Variants in VWA3A observed in about 807,000 individuals in gnomAD.
The protein encoded by VWA3A is von Willebrand factor A domain-containing protein 3A.
A neutral mutation model predicts 160.4 loss-of-function variants in VWA3A; 134 were observed. That is an observed-to-expected ratio of 0.84 (90% CI 0.73 to 0.96). The LOEUF is 0.96. Ranked by LOEUF, VWA3A falls within the 40% of genes least tolerant of loss-of-function variation. The pLI is 0.00. For synonymous variants in VWA3A, 476 were observed against 543.4 expected, an observed-to-expected ratio of 0.88 and a Z score of 1.72; for missense variants, 1,310 against 1,447.9, an observed-to-expected ratio of 0.90 and a Z score of 1.55.
chr16:22,133,577 G>A (rs2045986291), intron 20 of VWA3A, among the ~76,000 whole-genome samples: 1 of 146,362 alleles, frequency 6.8e-6, no homozygotes, highest in African/African-American at 2.6e-5. Context: ...TTGAACCCAG[G>A]AAGCGGAGGT....
Position 22,138,482 on chromosome 16 carries a change from C to T in VWA3A, c.2262C>T (p.Pro754=), listed in dbSNP as rs772059692. ...GTCAGCCCAAGAAGCTCTGCCCTCC[C>T]AGGCCCACCGTCCCCCTGGGGGCCA... ...LRSQPKKLCP[P]RPTVPLGARM... is the part of the protein sequence containing the mutation. The change falls in exon 22 of 34, where the codon CCC becomes CCT. Residue 754 remains proline (P), a synonymous_variant. Coordinates refer to ENST00000389398, the MANE Select transcript of VWA3A (RefSeq NM_173615.5). 11 of 1,613,998 alleles carry T rather than the reference C, an allele frequency of 6.8e-6. No individual in the cohort carries two copies. The highest frequency in any genetic ancestry group is 9.3e-6 in the Non-Finnish European group (11 of 1,179,888).
At chr16:22,141,482 G>T in intron 23 of VWA3A, 100 bp from the exon 24 acceptor site, 1 of 1,094,942 alleles carries the variant, frequency 9.1e-7, no homozygotes, top group Admixed American at 2.1e-5. Context: ...ATTTCCTGGG[G>T]TGGAGTATAG....
At chr16:22,128,213 G>A (rs917103823) in intron 17 of VWA3A, among the ~76,000 whole-genome samples, 4 of 152,296 alleles carry the variant, frequency 2.6e-5, no homozygotes, top group African/African-American at 7.2e-5. Flanking sequence ...AAAGGCACTG[G>A]AGGATTGCAA....
At chr16:22,143,077 G>A (rs1722565180) in intron 25 of VWA3A, among the ~76,000 whole-genome samples, 1 of 151,550 alleles carries the variant, frequency 6.6e-6, no homozygotes, top group Non-Finnish European at 1.5e-5. Flanking sequence ...TTGAAACTGG[G>A]AGGTGGAGGT....
intron 3 of VWA3A, among the ~76,000 whole-genome samples, chr16:22,098,358 C>G (rs1274851571): frequency 6.6e-6 from 1 of 152,172 alleles, no homozygotes; most frequent in East Asian, 1.9e-4. Flanking sequence ...TAGGTTCTGG[C>G]ACTTACAGGA....
At chr16:22,144,557 C>T (rs2046214523) in intron 26 of VWA3A, among the ~76,000 whole-genome samples, 173 bp downstream of exon 26, 1 of 152,070 alleles carries the variant, frequency 6.6e-6, no homozygotes, top group African/African-American at 2.4e-5. Context: ...GGAAGAAAAG[C>T]CAACTTCCCA....
rs1168855413 is a variant in VWA3A at position 22,100,299 on chromosome 16, A to C, written c.331A>C (p.Ser111Arg). 3 of 1,551,642 alleles carry C rather than the reference A, an allele frequency of 1.9e-6. No individual in the cohort carries two copies. The highest frequency in any genetic ancestry group is 2.6e-6 in the Non-Finnish European group (3 of 1,147,002). ...GAAACTCACCTTGGCTGACCTGATA[A>C]GCCAGGGCACAGAAGTGCTGTAAGT... Reference protein sequence around the residue: ...CQKLTLADLISQGTEVLEEGT... With the variant: ...CQKLTLADLIRQGTEVLEEGT... The change falls in exon 4 of 34, where the codon AGC becomes CGC. Residue 111 changes from serine (S) to arginine (R), a missense_variant. By Grantham distance (110) the Ser-to-Arg change is moderately radical. Coordinates refer to ENST00000389398, the MANE Select transcript of VWA3A (RefSeq NM_173615.5).
chr16:22,113,363 C>CCT (rs2045580863), intron 8 of VWA3A, among the ~76,000 whole-genome samples: 1 of 46,252 alleles, frequency 2.2e-5, no homozygotes, highest in Non-Finnish European at 4.6e-5. Flanking sequence ...GGCTAATTTT[C>CCT]TTTTTTTTTT....
At chr16:22,140,762 C>T (rs2046132471) in intron 23 of VWA3A, among the ~76,000 whole-genome samples, 1 of 151,978 alleles carries the variant, frequency 6.6e-6, no homozygotes, top group Admixed American at 6.6e-5. Flanking sequence ...AGGTGTGTGC[C>T]ACCACGCCTG....
At position 22,103,303 on chromosome 16, in the gene VWA3A, C is replaced by T. The variant is rs966145259; in HGVS notation, c.429-172C>T. 5.3e-5 allele frequency among the ~76,000 whole-genome samples: 8 copies of T among 152,106 alleles called. No individual in the cohort carries two copies. The East Asian group carries it at 1.5e-3, about 29-fold the overall frequency. On this transcript the variant is annotated intron_variant, in intron 5 of 33. Coordinates refer to ENST00000389398, the MANE Select transcript of VWA3A (RefSeq NM_173615.5). ...CCCACGTCAGGCTCCTGAGTAGCCA[C>T]GACTACAGGCGTGCACTACAGTGCA...
In VWA3A at chr16:22,121,008, T is replaced by A. The variant is rs373623810; in HGVS notation, c.1157T>A (p.Leu386Ter). The change falls in exon 13 of 34, where the codon TTG (leucine) becomes TAG (stop). Residue 386 changes from leucine (L) to a stop codon, truncating the protein, a stop_gained. Coordinates refer to ENST00000389398, the MANE Select transcript of VWA3A (RefSeq NM_173615.5). LOFTEE classifies it high-confidence loss of function. The part of the protein sequence containing the change: ...EITNGPLISL[L>*]PKPPKHDAPL... ...ACAAATGGGCCACTCATAAGCCTCT[T>A]GCCTAAACCCCCAAAGCATGACGCT... 1 of 1,613,910 alleles carries A rather than the reference T, an allele frequency of 6.2e-7. No homozygotes were observed. Among genetic ancestry groups the A allele is most frequent in the African/African-American group, 1.3e-5 (1 of 74,930 alleles).
chr16:22,151,738 CAT>C (rs1364287349), intron 30 of VWA3A, among the ~76,000 whole-genome samples: 2 of 150,856 alleles, frequency 1.3e-5, no homozygotes, highest in South Asian at 2.1e-4. Context: ...AAAAAGAACA[CAT>C]GTCAGATAAG....
At chr16:22,132,707 A>G in intron 19 of VWA3A, 193 bp from the exon 20 acceptor site, 1 of 594,262 alleles carries the variant, frequency 1.7e-6, no homozygotes, top group Admixed American at 3.0e-5. Flanking sequence ...TCTCAGGTCC[A>G]GCTCCCCAAC....
chr16:22,093,101 T>A (rs1901393339), intron 1 of VWA3A, among the ~76,000 whole-genome samples: 1 of 152,168 alleles, frequency 6.6e-6, no homozygotes, highest in African/African-American at 2.4e-5. Context: ...ACTCTGGACC[T>A]GCTCTGAGTG....
At chr16:22,149,673 G>A (rs774859314) in intron 28 of VWA3A, 114 bp from the exon 29 acceptor site, 61 of 1,324,040 alleles carry the variant, frequency 4.6e-5, no homozygotes, top group Non-Finnish European at 5.8e-5. Flanking sequence ...TCAGTGACGA[G>A]CAAGAATAGT....
chr16:22,136,889 ACACACG>A (rs1449144650), intron 21 of VWA3A, among the ~76,000 whole-genome samples: 4 of 111,726 alleles, frequency 3.6e-5, no homozygotes, highest in Admixed American at 8.3e-5. Context: ...ACACACACAC[ACACACG>A]CACACACACA....
At chr16:22,141,098 G>C (rs2046139430) in intron 23 of VWA3A, 1 of 434,956 alleles carries the variant, frequency 2.3e-6, no homozygotes, top group East Asian at 7.0e-5. Flanking sequence ...GAGGCTCAGG[G>C]GGGTAAGGAT....
chr16:22,106,630 G>T, intron 6 of VWA3A, among the ~76,000 whole-genome samples: 1 of 152,118 alleles, frequency 6.6e-6, no homozygotes, highest in South Asian at 2.1e-4. Flanking sequence ...AAGGAGATGA[G>T]CTTAGATGAG....
At chr16:22,092,875 G>A (rs1238838627) in intron 1 of VWA3A, among the ~76,000 whole-genome samples, 1 of 152,076 alleles carries the variant, frequency 6.6e-6, no homozygotes, top group Non-Finnish European at 1.5e-5. Context: ...CCAAGTGAAG[G>A]GGCAGCGACA....
Sources: gnomAD v4.1 joint callset for allele counts (sites outside exome capture counted in the v4.1 genomes callset) on GRCh38, gnomAD v4.1.1 for gene constraint, MANE v1.5 for transcripts, NCBI Gene and HGNC (gene_info 2026-07-23, HGNC 2026-07-21) for gene names.